The following CBX3 variants were observed in gnomAD, a reference collection of about 807,000 sequenced individuals.
CBX3 encodes the protein chromobox protein homolog 3.
In CBX3, 5 loss-of-function variants were observed where a neutral mutation model predicts 22.6. That is an observed-to-expected ratio of 0.22 (90% CI 0.12 to 0.47). The LOEUF (loss-of-function observed/expected upper bound fraction) is 0.47, where lower values mean the gene tolerates loss of function less well. Among genes scored for constraint, CBX3 ranks in the 20% least tolerant of loss-of-function variants. The pLI, the probability that CBX3 is intolerant of heterozygous loss-of-function variation, is 0.99. For missense variants in CBX3, 83 were observed against 208.1 expected, an observed-to-expected ratio of 0.40 and a Z score of 3.70; for synonymous variants, 50 against 66.6, an observed-to-expected ratio of 0.75 and a Z score of 1.21.
rs747720619 is a variant in CBX3, at chr7:26,213,177, T to G, written c.*969T>G. ...TAACCTAACCTATTGACCTGCATGT[T>G]TTTTCTTTACCCCAATTCATTACAT... is the stretch of plus-strand genomic sequence containing the variant. On this transcript the variant is annotated 3_prime_UTR_variant, in exon 6 of 6. Transcript: ENST00000396386. The G allele has an allele frequency of 2.6e-5, 4 of 152,714 alleles. No homozygotes were observed. The highest frequency in any genetic ancestry group is 6.5e-5 in the Admixed American group (1 of 15,290). 9.5% of individuals were successfully genotyped at this position (152,714 alleles called of 1,614,324 possible).
intron 2 of CBX3, among the ~76,000 whole-genome samples, chr7:26,203,635 C>T (rs1784603981): frequency 6.6e-6 from 1 of 151,908 alleles, no homozygotes; most frequent in Admixed American, 6.6e-5. Context: ...TCAGCCATGT[C>T]ATGTTACAAG....
intron 2 of CBX3, among the ~76,000 whole-genome samples, chr7:26,203,693 T>C (rs1196544650): frequency 6.6e-6 from 1 of 152,176 alleles, no homozygotes; most frequent in African/African-American, 2.4e-5. Flanking sequence ...AAATTCAAAG[T>C]TACAGTTTTC....
intron 3 of CBX3, 32 bp from the exon 4 acceptor site, chr7:26,208,361 C>T: frequency 2.1e-6 from 3 of 1,441,570 alleles, no homozygotes; most frequent in Non-Finnish European, 2.9e-6. Flanking sequence ...TTAATTCAAT[C>T]ACCTTTTTTT....
intron 2 of CBX3, chr7:26,206,148 T>C (rs956381851): frequency 6.7e-6 from 3 of 449,350 alleles, no homozygotes; most frequent in African/African-American, 6.1e-5. Flanking sequence ...TTTATTGTAT[T>C]ATTTTGGTGG....
In CBX3 at chr7:26,202,730, G is replaced by A. The variant is rs56186484; in HGVS notation, c.-28-241G>A. 841 of 481,406 alleles carry A rather than the reference G, an allele frequency of 1.7e-3. 1 individual carries two copies. Among genetic ancestry groups the A allele is most frequent in the Non-Finnish European group, 2.5e-3 (692 of 273,568 alleles). 29.8% of individuals were successfully genotyped at this position (481,406 alleles called of 1,614,324 possible). A position where few individuals can be genotyped will look rare whatever the true frequency, so the allele number is the denominator to read the frequency against. On this transcript the variant is annotated intron_variant, in intron 1 of 5. Coordinates refer to ENST00000396386, the MANE Select transcript of CBX3 (RefSeq NM_016587.4). ...AAAAGACATTGGTCCCCTATTTTAA[G>A]CCATGTGAAGCTGTTTTAGGTACCA... is the stretch of plus-strand genomic sequence containing the variant.
intron 4 of CBX3, among the ~76,000 whole-genome samples, chr7:26,209,498 C>T (rs544410579): frequency 5.9e-5 from 9 of 152,246 alleles, no homozygotes; most frequent in South Asian, 2.1e-4. Context: ...GTAAGAACAA[C>T]GCAAATAGAA....
intron 2 of CBX3, among the ~76,000 whole-genome samples, 197 bp downstream of exon 2, chr7:26,203,219 CT>C (rs1208066980): frequency 6.6e-6 from 1 of 152,118 alleles, no homozygotes; most frequent in African/African-American, 2.4e-5. Flanking sequence ...AGTGTCTTAA[CT>C]AGTTCAAAGA....
At chr7:26,205,993 G>A in intron 2 of CBX3, 1 of 166,324 alleles carries the variant, frequency 6.0e-6, no homozygotes, top group Non-Finnish European at 1.3e-5. Flanking sequence ...GGAGGCTGAG[G>A]CATGAGAACT....
intron 4 of CBX3, among the ~76,000 whole-genome samples, chr7:26,210,850 C>G (rs1216747585): frequency 6.6e-6 from 1 of 152,024 alleles, no homozygotes; most frequent in South Asian, 2.1e-4. Flanking sequence ...TATATGAAGA[C>G]AATCCAAAGT....
At chr7:26,208,616 T>C in intron 4 of CBX3, 61 bp downstream of exon 4, 1 of 1,475,086 alleles carries the variant, frequency 6.8e-7, no homozygotes, top group Admixed American at 2.0e-5. Context: ...GCTTGATTTC[T>C]TTTTTGTTTG....
At position 26,213,528 on chromosome 7, in the gene CBX3, A is replaced by T. The variant is rs1423618600; in HGVS notation, c.*1320A>T. Among the ~76,000 whole-genome samples the T allele has an allele frequency of 6.6e-6, 1 of 152,172 alleles. No individual in the cohort carries two copies. The highest frequency in any genetic ancestry group is 1.5e-5 in the Non-Finnish European group (1 of 68,032). Reference sequence around the variant, plus strand: ...AACTTGAATATGTATTTCCACAGGAATGTTTCCACAGTTGGGAAATAAAAG... The same window carrying T: ...AACTTGAATATGTATTTCCACAGGATTGTTTCCACAGTTGGGAAATAAAAG... On this transcript the variant is annotated 3_prime_UTR_variant, in exon 6 of 6. Coordinates refer to ENST00000396386, the MANE Select transcript of CBX3 (RefSeq NM_016587.4).
At chr7:26,204,867 G>A (rs759892857) in intron 2 of CBX3, among the ~76,000 whole-genome samples, 2 of 152,066 alleles carry the variant, frequency 1.3e-5, no homozygotes, top group Admixed American at 1.3e-4. Flanking sequence ...TTGGCTCACC[G>A]CAACTTAAGC....
intron 3 of CBX3, 21 bp downstream of exon 3, chr7:26,206,531 T>C (rs140154884): frequency 1.9e-6 from 3 of 1,608,878 alleles, no homozygotes; most frequent in African/African-American, 1.3e-5. Context: ...TTAGTGCATC[T>C]TTACTATATG....
intron 4 of CBX3, among the ~76,000 whole-genome samples, chr7:26,209,241 A>G (rs1283548310): frequency 1.3e-5 from 2 of 151,998 alleles, no homozygotes; most frequent in African/African-American, 4.8e-5. Flanking sequence ...AAATTCAGAT[A>G]CTTTTATAAA....
intron 1 of CBX3, chr7:26,202,700 A>G: frequency 2.4e-6 from 1 of 411,046 alleles, no homozygotes; most frequent in Non-Finnish European, 4.3e-6. Flanking sequence ...TGGGACTTAG[A>G]TTGGAAAAGA....
chr7:26,204,697 C>G (rs773465046), intron 2 of CBX3, among the ~76,000 whole-genome samples: 2 of 152,072 alleles, frequency 1.3e-5, no homozygotes, highest in African/African-American at 2.4e-5. Flanking sequence ...TTGAGGTGTT[C>G]TTAACTTTTT....
chr7:26,209,796 A>G (rs1295130289), intron 4 of CBX3: 1 of 152,172 alleles, frequency 6.6e-6, no homozygotes, highest in Non-Finnish European at 1.5e-5. Context: ...TAGTGTGGCA[A>G]TTTGGGGAAA....
At position 26,202,978 on chromosome 7, in the gene CBX3, T is replaced by G. The variant is rs1562742453; in HGVS notation, c.-21T>G. The G allele has an allele frequency of 6.2e-7, 1 of 1,600,072 alleles. No homozygotes were observed. Among genetic ancestry groups the G allele is most frequent in the Admixed American group, 1.7e-5 (1 of 59,598 alleles). On this transcript the variant is annotated 5_prime_UTR_variant, in exon 2 of 6. Coordinates refer to ENST00000396386, the MANE Select transcript of CBX3 (RefSeq NM_016587.4). ...TGTCATGCATTTTTCTAGTAATAGC[T>G]CTTCAAGTCTGCAATAAAAAATGGC...
At position 26,213,470 on chromosome 7, in the gene CBX3, C is replaced by T. The variant is rs923328061; in HGVS notation, c.*1262C>T. ...ATGATACCAGTAAGGCATTACAGTA[C>T]ATATCCTAGATCTTTTGAGCTTACG... On this transcript the variant is annotated 3_prime_UTR_variant, in exon 6 of 6. Transcript: ENST00000396386. 14 of 152,290 alleles carry T rather than the reference C, an allele frequency of 9.2e-5. No homozygotes were observed. Among genetic ancestry groups the T allele is most frequent in the African/African-American group, 3.4e-4 (14 of 41,548 alleles). 9.4% of individuals were successfully genotyped at this position (152,290 alleles called of 1,614,324 possible).
Sources: allele counts gnomAD v4.1 joint callset (sites outside exome capture counted in the v4.1 genomes callset), GRCh38; gene constraint gnomAD v4.1.1; transcripts MANE v1.5; gene names NCBI Gene and HGNC (gene_info 2026-07-23, HGNC 2026-07-21).